ROCK1: variants seen among roughly 807,000 people sequenced by gnomAD.
ROCK1 encodes Rho associated coiled-coil containing protein kinase 1, also known as rho-associated protein kinase 1.
In ROCK1, 36 loss-of-function variants were observed where a neutral mutation model predicts 196.8. That is an observed-to-expected ratio of 0.18 (90% confidence interval 0.14 to 0.24). The LOEUF (loss-of-function observed/expected upper bound fraction) is 0.24, where lower values mean the gene tolerates loss of function less well. ROCK1 is among the 10% of genes least tolerant of loss of function. ROCK1 has a pLI of 1.00. For missense variants in ROCK1, 920 were observed against 1,562.0 expected (o/e 0.59, Z 6.93); for synonymous variants, 443 against 515.9 (o/e 0.86, Z 1.91).
At chr18:21,000,134 G>A (rs1368867621) in intron 16 of ROCK1, among the ~76,000 whole-genome samples, 1 of 151,882 alleles carries the variant, frequency 6.6e-6, no homozygotes, top group Non-Finnish European at 1.5e-5. Context: ...TTCAAAACTT[G>A]CTACAAAGCT....
In ROCK1 at chr18:20,997,406, A is replaced by G. The variant is rs181542674; in HGVS notation, c.1886-4469T>C. ...ACTATAAAAAGGCACAGAAAAGGTCATAATGTAATGATAAAGGGGTCAATT... is the reference window on the plus strand; with the variant it reads ...ACTATAAAAAGGCACAGAAAAGGTCGTAATGTAATGATAAAGGGGTCAATT... On this transcript the variant is annotated intron_variant, in intron 16 of 32. Coordinates refer to ENST00000399799, the MANE Select transcript of ROCK1 (RefSeq NM_005406.3). Among the ~76,000 whole-genome samples the G allele has an allele frequency of 5.3e-5, 8 of 152,362 alleles. No individual in the cohort carries two copies. In the East Asian group the frequency reaches 1.3e-3, roughly 26 times the overall value.
Position 21,039,450 on chromosome 18 carries a change from TGAAA to T in ROCK1, c.1051+18_1051+21del, listed in dbSNP as rs770033680. 2.6e-6 allele frequency: 4 copies of T among 1,544,282 alleles called. No homozygotes were observed. In the East Asian group the frequency reaches 9.0e-5, roughly 35 times the overall value. On this transcript the variant is annotated intron_variant, in intron 9 of 32. Transcript: ENST00000399799. ...CTACTTTCAAATATTCACTAAAATATGAAAGAAAAAAAAAAACTTACTGTCTCGG... is the reference window on the plus strand; with the variant it reads ...CTACTTTCAAATATTCACTAAAATATGAAAAAAAAAAACTTACTGTCTCGG...
intron 1 of ROCK1, among the ~76,000 whole-genome samples, chr18:21,079,150 C>T (rs769370891): frequency 8.6e-5 from 13 of 152,024 alleles, no homozygotes; most frequent in Admixed American, 2.0e-4. Context: ...TTAAAAAGTG[C>T]TTCCTTTTCC....
chr18:21,006,648 A>C, intron 15 of ROCK1, 51 bp from the exon 16 acceptor site: 2 of 1,586,564 alleles, frequency 1.3e-6, no homozygotes, highest in African/African-American at 2.7e-5. Context: ...GTACGATATA[A>C]TTTAATTATC....
At chr18:21,069,301 T>C (rs138604817) in intron 2 of ROCK1, among the ~76,000 whole-genome samples, 84 of 152,254 alleles carry the variant, frequency 5.5e-4, no homozygotes, top group African/African-American at 1.9e-3. Context: ...GCATAAACTA[T>C]CCTTGGTCAT....
chr18:21,097,756 A>G (rs1454971977), intron 1 of ROCK1, among the ~76,000 whole-genome samples: 2 of 152,250 alleles, frequency 1.3e-5, no homozygotes, highest in East Asian at 1.9e-4. Context: ...ACTTACATGC[A>G]TTACCACGTT....
At position 20,948,600 on chromosome 18, in the gene ROCK1, G is replaced by A. The variant is rs2035152200; in HGVS notation, c.*2784C>T. The A allele has an allele frequency of 6.7e-6, 1 of 150,316 alleles. No individual in the cohort carries two copies. 9.3% of individuals were successfully genotyped at this position (150,316 alleles called of 1,614,324 possible). On this transcript the variant is annotated 3_prime_UTR_variant, in exon 33 of 33. Transcript: ENST00000399799. ...TTTGTTGCCCAAAGCTGGAGTTCCT[G>A]ATCTCAGAGAAGCTTACAGGTGTGG... is the stretch of plus-strand genomic sequence containing the variant.
At chr18:21,082,365 A>G (rs2036489661) in intron 1 of ROCK1, among the ~76,000 whole-genome samples, 1 of 151,386 alleles carries the variant, frequency 6.6e-6, no homozygotes, top group Non-Finnish European at 1.5e-5. Context: ...TAGCAAAACT[A>G]AAAATATCAC....
intron 8 of ROCK1, among the ~76,000 whole-genome samples, chr18:21,040,805 C>G (rs1456205427): frequency 6.6e-6 from 1 of 152,152 alleles, no homozygotes; most frequent in Non-Finnish European, 1.5e-5. Flanking sequence ...ACCTAATAAA[C>G]AGCATAATAC....
chr18:21,054,890 C>A (rs554097046), intron 2 of ROCK1, among the ~76,000 whole-genome samples: 2 of 152,014 alleles, frequency 1.3e-5, no homozygotes, highest in Non-Finnish European at 2.9e-5. Flanking sequence ...AGAAAACTTA[C>A]ACTCTCTAAG....
At chr18:21,014,985 A>C (rs2035850847) in intron 13 of ROCK1, among the ~76,000 whole-genome samples, 1 of 152,250 alleles carries the variant, frequency 6.6e-6, no homozygotes, top group Non-Finnish European at 1.5e-5. Flanking sequence ...ACAGGTAACC[A>C]TGGAAAAGAT....
chr18:20,959,127 ATAT>A (rs1568367492), intron 29 of ROCK1, among the ~76,000 whole-genome samples: 6 of 52,818 alleles, frequency 1.1e-4, no homozygotes, highest in African/African-American at 7.9e-4. Context: ...TATAATATAT[ATAT>A]TATATATATT....
chr18:21,039,634 G>A, intron 8 of ROCK1, 71 bp from the exon 9 acceptor site: 1 of 1,063,282 alleles, frequency 9.4e-7, no homozygotes, highest in Non-Finnish European at 1.5e-6. Flanking sequence ...AGGTTTATTT[G>A]TGGGCAGGAT....
At chr18:21,015,162 C>G (rs531255322) in intron 13 of ROCK1, among the ~76,000 whole-genome samples, 2 of 152,182 alleles carry the variant, frequency 1.3e-5, no homozygotes, top group South Asian at 4.2e-4. Context: ...TGGCTCCTTT[C>G]TCACATTTCA....
At chr18:20,994,345 TA>T (rs1422593900) in intron 16 of ROCK1, among the ~76,000 whole-genome samples, 1 of 152,148 alleles carries the variant, frequency 6.6e-6, no homozygotes, top group African/African-American at 2.4e-5. Context: ...TAATTATCTT[TA>T]AAATAGGCCA....
chr18:21,027,158 C>T (rs879733755), intron 10 of ROCK1, among the ~76,000 whole-genome samples: 2 of 152,088 alleles, frequency 1.3e-5, no homozygotes, highest in East Asian at 1.9e-4. Context: ...AGGCTAGTCA[C>T]GAACTCTTGA....
Position 20,992,890 on chromosome 18 carries a change from G to A in ROCK1, c.1933C>T (p.Leu645Phe), listed in dbSNP as rs745575137. The A allele has an allele frequency of 6.2e-7, 1 of 1,612,656 alleles. No individual in the cohort carries two copies. Among genetic ancestry groups the A allele is most frequent in the Non-Finnish European group, 8.5e-7 (1 of 1,179,190 alleles). The change falls in exon 17 of 33, where the codon CTC becomes TTC. Residue 645 changes from leucine to phenylalanine, a missense_variant. Around this residue, in one of 6 missense-constraint regions of ROCK1, gnomAD observed 520 missense variants for 657.1 expected, o/e 0.79. Coordinates refer to ENST00000399799, the MANE Select transcript of ROCK1 (RefSeq NM_005406.3). ...QEEVKHLKHN[L>F]EKVEGERKEA... ...TTTCTTTCTCCTTCCACTTTTTCGAGATTATGTTTGAGATGCTTCACCTCC... is the reference window on the plus strand; with the variant it reads ...TTTCTTTCTCCTTCCACTTTTTCGAAATTATGTTTGAGATGCTTCACCTCC...
At chr18:20,977,676 A>G (rs568033433) in intron 22 of ROCK1, among the ~76,000 whole-genome samples, 2 of 152,336 alleles carry the variant, frequency 1.3e-5, no homozygotes, top group Admixed American at 6.5e-5. Context: ...TAGATGAAAA[A>G]GGGAAAATAT....
chr18:21,077,173 C>A (rs1373053660), intron 1 of ROCK1, among the ~76,000 whole-genome samples: 2 of 151,458 alleles, frequency 1.3e-5, no homozygotes, highest in African/African-American at 4.9e-5. Flanking sequence ...CGGGGTTTCA[C>A]CTTGTTAGCC....
Sources: allele counts gnomAD v4.1 joint callset (sites outside exome capture counted in the v4.1 genomes callset), GRCh38; gene constraint gnomAD v4.1.1; regional missense constraint gnomAD v4.1.1; transcripts MANE v1.5; gene names NCBI Gene and HGNC (gene_info 2026-07-23, HGNC 2026-07-21).